Variants in STEAP2 observed in about 807,000 individuals in gnomAD.
STEAP2 encodes the protein STEAP2 metalloreductase.
A neutral mutation model predicts 46.4 loss-of-function variants in STEAP2; 30 were observed. That is an observed-to-expected ratio of 0.65 (90% CI 0.48 to 0.88). STEAP2 has a LOEUF of 0.88. Among genes scored for constraint, STEAP2 ranks in the 40% least tolerant of loss-of-function variants. STEAP2 has a pLI of 0.00. For synonymous variants in STEAP2, 180 were observed against 200.5 expected, an observed-to-expected ratio of 0.90 and a Z score of 0.86; for missense variants, 513 against 579.3, an observed-to-expected ratio of 0.89 and a Z score of 1.18.
chr7:90,240,631 AC>A (rs1181380636), downstream of STEAP2, among the ~76,000 whole-genome samples: 6 of 152,306 alleles, frequency 3.9e-5, no homozygotes, highest in Admixed American at 3.9e-4. The surrounding 1 kb of genome is among the most constrained non-coding windows in gnomAD (Gnocchi z 4.1). Flanking sequence ...GGAAAATAGA[AC>A]CACAATTTGC....
chr7:90,213,253 C>T (rs1362287014), intron 1 of STEAP2, among the ~76,000 whole-genome samples: 2 of 152,102 alleles, frequency 1.3e-5, no homozygotes, highest in African/African-American at 2.4e-5. Flanking sequence ...AAGCTTTATC[C>T]AAGTCACTTT....
chr7:90,242,967 C>T (rs898730377), downstream of STEAP2, among the ~76,000 whole-genome samples: 1 of 152,222 alleles, frequency 6.6e-6, no homozygotes, highest in Non-Finnish European at 1.5e-5. Flanking sequence ...AGGATGAGAA[C>T]TGAAAAATGT....
In STEAP2 at chr7:90,237,225, A is replaced by T. The variant is rs1002477198; in HGVS notation, c.*4601A>T. 64 of 381,506 alleles carry T rather than the reference A, an allele frequency of 1.7e-4. No individual in the cohort carries two copies. The East Asian group carries it at 2.8e-3, about 17-fold the overall frequency. 23.6% of individuals were successfully genotyped at this position (381,506 alleles called of 1,614,324 possible). A position where few individuals can be genotyped will look rare whatever the true frequency, so the allele number is the denominator to read the frequency against. On this transcript the variant is annotated 3_prime_UTR_variant, in exon 6 of 6. Transcript: ENST00000394621. Reference sequence around the variant, plus strand: ...CCCTACTTCCACTGCTTTTTCCTGCATTTAAGCCATTGTAAATCTGGGTGT... The same window carrying T: ...CCCTACTTCCACTGCTTTTTCCTGCTTTTAAGCCATTGTAAATCTGGGTGT...
intron 4 of STEAP2, among the ~76,000 whole-genome samples, chr7:90,229,117 C>G (rs960237695): frequency 6.6e-6 from 1 of 152,082 alleles, no homozygotes; most frequent in African/African-American, 2.4e-5. Context: ...TAATTATATT[C>G]TGAATGTAAA....
downstream of STEAP2, chr7:90,238,201 T>C: frequency 2.8e-6 from 2 of 712,144 alleles, no homozygotes; most frequent in Non-Finnish European, 5.2e-6. Context: ...ACTGTGCCAC[T>C]GACAAGGAGT....
chr7:90,228,748 G>A (rs900751434), intron 4 of STEAP2, among the ~76,000 whole-genome samples: 3 of 152,124 alleles, frequency 2.0e-5, no homozygotes, highest in Admixed American at 6.6e-5. Flanking sequence ...GCCTAGATTT[G>A]AGCCTAGACA....
intron 2 of STEAP2, among the ~76,000 whole-genome samples, chr7:90,219,515 T>G (rs1199567870): frequency 6.6e-6 from 1 of 152,188 alleles, no homozygotes; most frequent in Non-Finnish European, 1.5e-5. Flanking sequence ...CTAAATTTTC[T>G]CAAATGTTTT....
downstream of STEAP2, among the ~76,000 whole-genome samples, chr7:90,240,996 T>C (rs1320645918): frequency 6.6e-6 from 1 of 152,214 alleles, no homozygotes; most frequent in Non-Finnish European, 1.5e-5. This position sits in a 1 kb window ranked among gnomAD's most constrained non-coding sequence, Gnocchi z 4.1. Context: ...AAATATAAAG[T>C]TAAAGCTTTT....
At chr7:90,221,520 G>C (rs1795257623) in intron 2 of STEAP2, among the ~76,000 whole-genome samples, 1 of 151,854 alleles carries the variant, frequency 6.6e-6, no homozygotes, top group Non-Finnish European at 1.5e-5. Flanking sequence ...ATGTTAGATG[G>C]GTTTCTTGTA....
chr7:90,217,561 C>T (rs1268783375), intron 2 of STEAP2, among the ~76,000 whole-genome samples: 1 of 152,202 alleles, frequency 6.6e-6, no homozygotes, highest in East Asian at 1.9e-4. Context: ...GGCCTCCACT[C>T]CTATCCATGT....
downstream of STEAP2, chr7:90,238,079 A>G: frequency 1.4e-6 from 1 of 717,442 alleles, no homozygotes; most frequent in South Asian, 1.5e-5. Context: ...CCTCTTCCTC[A>G]TGCCTTGCCT....
chr7:90,236,172 A>C lies in STEAP2; in HGVS notation c.*3548A>C. The C allele has an allele frequency of 1.4e-6, 1 of 721,572 alleles. No homozygotes were observed. The allele number at this position is 721,572 out of a possible 1,614,324, so 44.7% of individuals were successfully genotyped here. On this transcript the variant is annotated 3_prime_UTR_variant, in exon 6 of 6. Transcript: ENST00000394621. ...CTTGCCATTAAGCTATTTCATAATA[A>C]ATTCTGTACAGTTTCCCCCCAAAAA...
downstream of STEAP2, among the ~76,000 whole-genome samples, chr7:90,238,309 G>C (rs1444722988): frequency 6.6e-6 from 1 of 152,186 alleles, no homozygotes; most frequent in Non-Finnish European, 1.5e-5. Context: ...CCTGAGAGGA[G>C]GATTGTCAGG....
At chr7:90,223,990 T>G (rs1361012531) in intron 2 of STEAP2, among the ~76,000 whole-genome samples, 1 of 152,118 alleles carries the variant, frequency 6.6e-6, no homozygotes, top group African/African-American at 2.4e-5. Context: ...TAAAAAATGG[T>G]TTTTCTTTCT....
chr7:90,234,067 T>G lies in STEAP2; in HGVS notation c.*1443T>G, dbSNP rs1267384319. On this transcript the variant is annotated 3_prime_UTR_variant, in exon 6 of 6. Transcript: ENST00000394621. ...AGTCTTTCAAAAATCTCTGTAGAGT[T>G]AGTCTTCTCCTTTTCTCTTCCTGAG... 1.0e-6 allele frequency: 1 copy of G among 985,306 alleles called. No individual in the cohort carries two copies. The highest frequency in any genetic ancestry group is 1.2e-6 in the Non-Finnish European group (1 of 829,938). 61.0% of individuals were successfully genotyped at this position (985,306 alleles called of 1,614,324 possible). A position where few individuals can be genotyped will look rare whatever the true frequency, so the allele number is the denominator to read the frequency against.
downstream of STEAP2, among the ~76,000 whole-genome samples, chr7:90,240,280 CAA>C (rs56229485): frequency 1.8e-3 from 258 of 146,006 alleles, no homozygotes; most frequent in Middle Eastern, 3.5e-3. This position sits in a 1 kb window ranked among gnomAD's most constrained non-coding sequence, Gnocchi z 4.1. Flanking sequence ...GACCCTGTCT[CAA>C]AAAAAAAAAA....
chr7:90,220,241 C>T (rs563640530), intron 2 of STEAP2, among the ~76,000 whole-genome samples: 152 of 152,240 alleles, frequency 1.0e-3, no homozygotes, highest in Non-Finnish European at 1.9e-3. Flanking sequence ...TGGTAGAATT[C>T]GGCAGTGAAG....
intron 1 of STEAP2, chr7:90,213,681 G>A (rs977698065): frequency 6.6e-6 from 1 of 152,234 alleles, no homozygotes; most frequent in African/African-American, 2.4e-5. Flanking sequence ...GCCAGCCAAT[G>A]TGGAGGCAGT....
At position 90,232,955 on chromosome 7, in the gene STEAP2, G is replaced by A. The variant is rs1795822773; in HGVS notation, c.*331G>A. 2.0e-6 allele frequency: 2 copies of A among 976,238 alleles called. No individual in the cohort carries two copies. Among genetic ancestry groups the A allele is most frequent in the Middle Eastern group, 5.1e-4 (1 of 1,964 alleles). 60.5% of individuals were successfully genotyped at this position (976,238 alleles called of 1,614,324 possible). On this transcript the variant is annotated 3_prime_UTR_variant, in exon 6 of 6. Transcript: ENST00000394621. ...ATAGATATAATGTTAAAAACAATTT[G>A]CAAACCAGCAGAATTTTAAGCTTTT...
Sources: gnomAD v4.1 joint callset for allele counts (sites outside exome capture counted in the v4.1 genomes callset) on GRCh38, gnomAD v4.1.1 for gene constraint, Gnocchi (gnomAD v3.1) non-coding constraint, MANE v1.5 for transcripts, NCBI Gene and HGNC (gene_info 2026-07-23, HGNC 2026-07-21) for gene names.